Variants in STPG2 observed in about 807,000 individuals in gnomAD.
STPG2 encodes the protein sperm-tail PG-rich repeat-containing protein 2.
Under a neutral mutation model 54.2 loss-of-function variants are expected in STPG2, and 56 were observed. The ratio of observed to expected loss-of-function variants is 1.03; its 90% confidence interval spans 0.83 to 1.29. STPG2 has a LOEUF of 1.29. STPG2 is among the 50% of genes most tolerant of loss of function. The pLI, the probability that STPG2 is intolerant of heterozygous loss-of-function variation, is 0.00. For missense variants in STPG2, 596 were observed against 544.9 expected (o/e 1.09, Z -0.93); for synonymous variants, 200 against 181.8 (o/e 1.10, Z -0.81).
At chr4:97,763,645 G>GTTCCCC (rs1361259203) in intron 9 of STPG2, among the ~76,000 whole-genome samples, 1 of 152,050 alleles carries the variant, frequency 6.6e-6, no homozygotes, top group Non-Finnish European at 1.5e-5. Flanking sequence ...TTGGGGTCTT[G>GTTCCCC]TTCCCCTAAT....
intron 8 of STPG2, among the ~76,000 whole-genome samples, chr4:97,858,102 G>C (rs1238993076): frequency 2.0e-5 from 3 of 152,250 alleles, no homozygotes; most frequent in Admixed American, 2.0e-4. Flanking sequence ...AGAGGAGGTA[G>C]AGTAAGAGAT....
chr4:97,565,018 C>G (rs1194777181), intron 10 of STPG2, among the ~76,000 whole-genome samples: 1 of 152,140 alleles, frequency 6.6e-6, no homozygotes, highest in Non-Finnish European at 1.5e-5. Context: ...GGATAATATC[C>G]TGCAGAGTGT....
chr4:97,531,525 T>A (rs1731413650), intron 4 of STPG2, among the ~76,000 whole-genome samples: 1 of 152,124 alleles, frequency 6.6e-6, no homozygotes, highest in Non-Finnish European at 1.5e-5. Flanking sequence ...AACAATTCAG[T>A]CATAAAAATG....
chr4:98,067,953 T>C (rs1258689736), intron 5 of STPG2, among the ~76,000 whole-genome samples: 1 of 152,090 alleles, frequency 6.6e-6, no homozygotes, highest in Non-Finnish European at 1.5e-5. Flanking sequence ...AAAAGCAGGG[T>C]TATTTTTTTT....
chr4:97,760,992 T>G (rs1481316904), intron 9 of STPG2, among the ~76,000 whole-genome samples: 1 of 152,148 alleles, frequency 6.6e-6, no homozygotes, highest in Non-Finnish European at 1.5e-5. Flanking sequence ...TTTCTCACAA[T>G]GCATCACTCT....
At chr4:97,914,158 G>A (rs910680298) in intron 8 of STPG2, among the ~76,000 whole-genome samples, 2 of 152,154 alleles carry the variant, frequency 1.3e-5, no homozygotes, top group Non-Finnish European at 2.9e-5. Context: ...CCTCTATAGA[G>A]CTGTTTTCAG....
In STPG2 at chr4:97,837,251, T is replaced by C. The variant is rs562233268; in HGVS notation, c.1204+3522A>G. 3.3e-3 allele frequency among the ~76,000 whole-genome samples: 499 copies of C among 151,762 alleles called. 1 individual carries two copies. Among genetic ancestry groups the C allele is most frequent in the Non-Finnish European group, 5.7e-3 (388 of 67,680 alleles). ...TGATCTTAGAAGCAGAATTCTAGGG[T>C]CAAATGGCATGAATGCTTGAAACAT... On this transcript the variant is annotated intron_variant, in intron 9 of 10. Transcript: ENST00000295268.
chr4:97,752,122 C>T (rs1725598840), intron 9 of STPG2, among the ~76,000 whole-genome samples: 2 of 151,814 alleles, frequency 1.3e-5, no homozygotes, highest in Non-Finnish European at 3.0e-5. Context: ...CATTTACTTA[C>T]ATCCCTTTTA....
intron 10 of STPG2, among the ~76,000 whole-genome samples, chr4:97,613,597 T>C (rs1051262963): frequency 1.3e-5 from 2 of 151,884 alleles, no homozygotes; most frequent in East Asian, 1.9e-4. Flanking sequence ...AGTTTCTATA[T>C]AGAATATTTA....
chr4:98,018,278 T>A (rs1012777734), intron 5 of STPG2, among the ~76,000 whole-genome samples: 6 of 152,148 alleles, frequency 3.9e-5, no homozygotes. Context: ...TTTGGTTTTT[T>A]GTCCTTGTGA....
chr4:97,679,156 G>A (rs991795870), intron 10 of STPG2, among the ~76,000 whole-genome samples: 8 of 152,226 alleles, frequency 5.3e-5, no homozygotes, highest in East Asian at 3.9e-4. Flanking sequence ...TGGGATGTCC[G>A]GGTCAAATGG....
intron 4 of STPG2, among the ~76,000 whole-genome samples, chr4:97,522,518 TACTC>T (rs1427017489): frequency 1.1e-4 from 16 of 152,040 alleles, no homozygotes; most frequent in African/African-American, 3.9e-4. Context: ...ATGCAAGTAA[TACTC>T]ACTTAGCTAT....
At chr4:97,897,737 T>G (rs949587520) in intron 8 of STPG2, among the ~76,000 whole-genome samples, 2 of 152,032 alleles carry the variant, frequency 1.3e-5, no homozygotes, top group Non-Finnish European at 2.9e-5. Flanking sequence ...ATCCTTTGTC[T>G]ATTTTTTAAT....
chr4:97,838,313 C>T (rs1728692569), intron 9 of STPG2, among the ~76,000 whole-genome samples: 1 of 151,140 alleles, frequency 6.6e-6, no homozygotes, highest in South Asian at 2.1e-4. Context: ...TAAACATTCC[C>T]CACACCATAT....
At chr4:97,812,041 T>C (rs1038326054) in intron 9 of STPG2, among the ~76,000 whole-genome samples, 1 of 152,088 alleles carries the variant, frequency 6.6e-6, no homozygotes, top group Non-Finnish European at 1.5e-5. Context: ...TATAAGTTAG[T>C]AAATTAGAAA....
At chr4:97,911,753 T>C (rs1028614078) in intron 8 of STPG2, among the ~76,000 whole-genome samples, 2 of 152,174 alleles carry the variant, frequency 1.3e-5, no homozygotes, top group Admixed American at 1.3e-4. Context: ...AGACATAGCA[T>C]TTCCTGCCTG....
intron 8 of STPG2, among the ~76,000 whole-genome samples, chr4:97,921,706 G>A (rs1732115543): frequency 6.6e-6 from 1 of 152,088 alleles, no homozygotes; most frequent in Admixed American, 6.6e-5. Context: ...AAAAAGGATA[G>A]AAAAGTTACT....
chr4:98,025,852 C>T lies in STPG2; in HGVS notation c.613-44534G>A, dbSNP rs1736402767. On this transcript the variant is annotated intron_variant, in intron 5 of 10. Coordinates refer to ENST00000295268, the MANE Select transcript of STPG2 (RefSeq NM_174952.3). ...CAGGCCTTGCCAGAACTACCACTGG[C>T]AATAAAGTTTTTGGCACCCTGAAGG... 5.0e-6 allele frequency: 8 copies of T among 1,597,616 alleles called. No individual in the cohort carries two copies. The South Asian group carries it at 6.6e-5, about 13-fold the overall frequency.
chr4:97,596,773 G>C (rs930398421), intron 10 of STPG2, among the ~76,000 whole-genome samples: 2 of 152,090 alleles, frequency 1.3e-5, no homozygotes, highest in African/African-American at 4.8e-5. Flanking sequence ...GCAGAGTTAA[G>C]AGAGAAGTTT....
Sources: allele counts gnomAD v4.1 joint callset (sites outside exome capture counted in the v4.1 genomes callset), GRCh38; gene constraint gnomAD v4.1.1; transcripts MANE v1.5; gene names NCBI Gene and HGNC (gene_info 2026-07-23, HGNC 2026-07-21).